ZNF704: variants seen among roughly 807,000 people sequenced by gnomAD.
ZNF704 encodes the protein glucocorticoid induced gene 1.
A neutral mutation model predicts 44.7 loss-of-function variants in ZNF704; 10 were observed. That is an observed-to-expected ratio of 0.22 (90% CI 0.14 to 0.38). ZNF704 has a LOEUF of 0.38. Ranked by LOEUF, ZNF704 falls within the 10% of genes least tolerant of loss-of-function variation. The pLI, the probability that ZNF704 is intolerant of heterozygous loss-of-function variation, is 1.00. For synonymous variants in ZNF704, 211 were observed against 207.6 expected (o/e 1.02, Z -0.14); for missense variants, 390 against 545.5 (o/e 0.71, Z 2.84).
chr8:80,671,896 G>C (rs1479243825), intron 4 of ZNF704, among the ~76,000 whole-genome samples: 1 of 152,166 alleles, frequency 6.6e-6, no homozygotes, highest in Non-Finnish European at 1.5e-5. Flanking sequence ...AAAGGTCTTA[G>C]GGTATAGCAA....
chr8:80,683,475 T>C lies in ZNF704; in HGVS notation c.558+3751A>G, dbSNP rs1209070494. Reference sequence around the variant, plus strand: ...CCACCCTGCCACATAGCTGTAGCTATGTCTGATTATTTTCTCTCCACGTTT... The same window carrying C: ...CCACCCTGCCACATAGCTGTAGCTACGTCTGATTATTTTCTCTCCACGTTT... On this transcript the variant is annotated intron_variant, in intron 4 of 8. Transcript: ENST00000327835. 3.9e-5 allele frequency among the ~76,000 whole-genome samples: 6 copies of C among 152,214 alleles called. No individual in the cohort carries two copies. The East Asian group carries it at 9.6e-4, about 24-fold the overall frequency.
chr8:80,701,601 TTACA>T (rs373761536), intron 2 of ZNF704, among the ~76,000 whole-genome samples: 460 of 152,156 alleles, frequency 3.0e-3, no homozygotes, highest in African/African-American at 0.011. Context: ...TTCTCCCCAC[TTACA>T]TGCAAGGGAC....
chr8:80,669,946 C>G (rs1818253871), intron 5 of ZNF704, among the ~76,000 whole-genome samples: 1 of 152,214 alleles, frequency 6.6e-6, no homozygotes, highest in Admixed American at 6.5e-5. Flanking sequence ...ATCTGAGCAA[C>G]AGAAAGTGAT....
chr8:80,780,208 A>G (rs1373837284), intron 2 of ZNF704, among the ~76,000 whole-genome samples: 1 of 152,118 alleles, frequency 6.6e-6, no homozygotes, highest in African/African-American at 2.4e-5. Context: ...GGGAAGAAGA[A>G]AGAGAAAGAA....
At chr8:80,790,501 T>C (rs2129745106) in intron 2 of ZNF704, among the ~76,000 whole-genome samples, 1 of 152,244 alleles carries the variant, frequency 6.6e-6, no homozygotes, top group Admixed American at 6.5e-5. Context: ...CACACATACA[T>C]GAGGTGGGAC....
intron 1 of ZNF704, among the ~76,000 whole-genome samples, chr8:80,868,940 T>A (rs1809202821): frequency 6.6e-6 from 1 of 152,158 alleles, no homozygotes; most frequent in Non-Finnish European, 1.5e-5. Context: ...CTCTGCTCAA[T>A]CCAGTCCTCC....
chr8:80,660,332 G>T (rs1368068372), intron 6 of ZNF704, among the ~76,000 whole-genome samples: 1 of 151,910 alleles, frequency 6.6e-6, no homozygotes, highest in Non-Finnish European at 1.5e-5. Context: ...ATTAGCCAGG[G>T]GTGGTGGAGT....
chr8:80,778,866 G>A (rs1191499007), intron 2 of ZNF704, among the ~76,000 whole-genome samples: 1 of 152,076 alleles, frequency 6.6e-6, no homozygotes, highest in Non-Finnish European at 1.5e-5. Flanking sequence ...AGGGTGGAGC[G>A]TGGAAGGAGG....
intron 2 of ZNF704, among the ~76,000 whole-genome samples, chr8:80,734,807 T>C (rs1250089271): frequency 6.6e-6 from 1 of 152,250 alleles, no homozygotes; most frequent in Non-Finnish European, 1.5e-5. Context: ...TTCACTATCG[T>C]CACTATCTAT....
At position 80,693,028 on chromosome 8, in the gene ZNF704, G is replaced by A; in HGVS notation, c.301C>T (p.Arg101Ter). The change falls in exon 3 of 9, where the codon CGA (arginine) becomes TGA (stop). Residue 101 changes from arginine (R) to a stop codon, truncating the protein, a stop_gained. Coordinates refer to ENST00000327835, the MANE Select transcript of ZNF704 (RefSeq NM_001033723.3). LOFTEE classifies it high-confidence loss of function. ...CCGTTCGGCCGCACGGGAGGACTTC[G>A]AACCAAAGGGCTAGTCGACAAGCTG... ...LTSLSTSPLV[R>*]SPPVRPNESL... 6.2e-7 allele frequency: 1 copy of A among 1,614,128 alleles called. No individual in the cohort carries two copies. Among genetic ancestry groups the A allele is most frequent in the East Asian group, 2.2e-5 (1 of 44,884 alleles).
At chr8:80,868,271 T>G (rs1208374934) in intron 1 of ZNF704, among the ~76,000 whole-genome samples, 1 of 152,168 alleles carries the variant, frequency 6.6e-6, no homozygotes, top group Non-Finnish European at 1.5e-5. Context: ...TGCAGATAAA[T>G]GCTTAAGCTT....
At chr8:80,824,582 A>C (rs1362882775) in intron 1 of ZNF704, among the ~76,000 whole-genome samples, 1 of 152,210 alleles carries the variant, frequency 6.6e-6, no homozygotes, top group Admixed American at 6.5e-5. Context: ...AACGCCACAA[A>C]GATACTCCTT....
chr8:80,878,307 A>C (rs1481271740), upstream of ZNF704, among the ~76,000 whole-genome samples: 1 of 149,410 alleles, frequency 6.7e-6, no homozygotes, highest in Non-Finnish European at 1.5e-5. Flanking sequence ...GAAGGAAGGA[A>C]GGAAGAAAAT....
chr8:80,834,940 A>G (rs1018156395), intron 1 of ZNF704, among the ~76,000 whole-genome samples: 4 of 152,100 alleles, frequency 2.6e-5, no homozygotes, highest in Non-Finnish European at 5.9e-5. Context: ...TCATTGATGG[A>G]CATTTGGGTT....
intron 2 of ZNF704, among the ~76,000 whole-genome samples, chr8:80,759,055 T>C (rs534120247): frequency 8.5e-4 from 129 of 152,308 alleles, no homozygotes; most frequent in African/African-American, 3.0e-3. Context: ...TCCCATCACA[T>C]AGAAACACTA....
At chr8:80,743,791 G>C (rs958679287) in intron 2 of ZNF704, among the ~76,000 whole-genome samples, 10 of 152,202 alleles carry the variant, frequency 6.6e-5, no homozygotes, top group African/African-American at 2.4e-5. Flanking sequence ...CATAGAGATA[G>C]AGATGTCTAA....
rs1437742190 is a variant in ZNF704 at position 80,633,912 on chromosome 8, G to A, written c.*7454C>T. 6.6e-6 allele frequency: 1 copy of A among 152,136 alleles called. No individual in the cohort carries two copies. The highest frequency in any genetic ancestry group is 1.9e-4 in the East Asian group (1 of 5,196). 9.4% of individuals were successfully genotyped at this position (152,136 alleles called of 1,614,324 possible). ...TTGCTTTCCCCTCAAAGATGCTAGG[G>A]TTTTGTATGTGGAAAAACCTCCTTT... On this transcript the variant is annotated 3_prime_UTR_variant, in exon 9 of 9. Coordinates refer to ENST00000327835, the MANE Select transcript of ZNF704 (RefSeq NM_001033723.3).
intron 5 of ZNF704, among the ~76,000 whole-genome samples, chr8:80,668,433 G>A (rs954005897): frequency 3.9e-5 from 6 of 152,202 alleles, no homozygotes; most frequent in African/African-American, 1.2e-4. Flanking sequence ...TCTTTGTACC[G>A]TATCAGGTCT....
chr8:80,773,166 G>C (rs1421965362), intron 2 of ZNF704, among the ~76,000 whole-genome samples: 1 of 152,142 alleles, frequency 6.6e-6, no homozygotes, highest in Non-Finnish European at 1.5e-5. Context: ...TAAGGCCCAT[G>C]GTATGGACTG....
Sources: allele counts gnomAD v4.1 joint callset (sites outside exome capture counted in the v4.1 genomes callset), GRCh38; gene constraint gnomAD v4.1.1; transcripts MANE v1.5; gene names NCBI Gene and HGNC (gene_info 2026-07-23, HGNC 2026-07-21).